The following NR1I2 variants were observed in gnomAD, a reference collection of about 807,000 sequenced individuals.
NR1I2 encodes the protein orphan nuclear receptor PAR1.
NR1I2 carries 42 observed loss-of-function variants against 43.3 expected under a neutral mutation model. That is an observed-to-expected ratio of 0.97 (90% CI 0.76 to 1.26). The LOEUF is 1.26. Ranked by LOEUF, NR1I2 falls within the 50% of genes most tolerant of loss-of-function variation. The pLI is 0.00. For missense variants in NR1I2, 559 were observed against 566.7 expected, an observed-to-expected ratio of 0.99 and a Z score of 0.14; for synonymous variants, 229 against 215.0, an observed-to-expected ratio of 1.06 and a Z score of -0.57.
At chr3:119,811,816 C>A in intron 4 of NR1I2, 90 bp downstream of exon 4, 1 of 1,236,522 alleles carries the variant, frequency 8.1e-7, no homozygotes, top group Non-Finnish European at 1.2e-6. Flanking sequence ...GAAACTTATA[C>A]AAGGTCACAG....
chr3:119,786,897 A>G (rs2054849724), intron 1 of NR1I2, among the ~76,000 whole-genome samples: 2 of 152,212 alleles, frequency 1.3e-5, no homozygotes, highest in Admixed American at 1.3e-4. Flanking sequence ...AAGAATTTAA[A>G]ACATATAGCC....
intron 4 of NR1I2, among the ~76,000 whole-genome samples, chr3:119,812,221 G>T (rs1476476508): frequency 2.0e-5 from 3 of 152,132 alleles, no homozygotes; most frequent in African/African-American, 7.2e-5. Context: ...AACTATGTCT[G>T]TGCTCTAAGT....
intron 1 of NR1I2, among the ~76,000 whole-genome samples, chr3:119,806,919 C>T (rs1198950144): frequency 6.6e-6 from 1 of 152,196 alleles, no homozygotes; most frequent in African/African-American, 2.4e-5. Context: ...GCTGTGGCCT[C>T]CATGATCCGA....
At chr3:119,793,365 A>G (rs1218725479) in intron 1 of NR1I2, among the ~76,000 whole-genome samples, 1 of 152,160 alleles carries the variant, frequency 6.6e-6, no homozygotes, top group Non-Finnish European at 1.5e-5. Flanking sequence ...AACAGCCTCA[A>G]TCCTTACCAC....
At chr3:119,800,118 A>G (rs1300260805) in intron 1 of NR1I2, among the ~76,000 whole-genome samples, 1 of 152,200 alleles carries the variant, frequency 6.6e-6, no homozygotes, top group Admixed American at 6.5e-5. Context: ...TTATAGTTAT[A>G]GCTCTTACAT....
chr3:119,804,583 T>C (rs1300252351), intron 1 of NR1I2, among the ~76,000 whole-genome samples: 2 of 151,664 alleles, frequency 1.3e-5, no homozygotes, highest in South Asian at 2.1e-4. Context: ...TAGCTGGGAT[T>C]ATAGGCACCC....
chr3:119,805,025 T>C (rs2461818), intron 1 of NR1I2, among the ~76,000 whole-genome samples: 125,800 of 152,122 alleles, frequency 0.83, 53,760 homozygotes, highest in East Asian at 1. Context: ...TTGTATTTTG[T>C]TTTTCCTAAC....
chr3:119,789,448 A>G (rs892661426), intron 1 of NR1I2, among the ~76,000 whole-genome samples: 1 of 152,194 alleles, frequency 6.6e-6, no homozygotes, highest in African/African-American at 2.4e-5. Context: ...ATGAGAACCA[A>G]GCGAAAGGGG....
At chr3:119,783,191 A>G (rs1038540465) in intron 1 of NR1I2, among the ~76,000 whole-genome samples, 1 of 152,228 alleles carries the variant, frequency 6.6e-6, no homozygotes, top group Admixed American at 6.5e-5. Context: ...ATTTTGTGGT[A>G]CACAAATACG....
At chr3:119,790,832 A>C (rs2054907313) in intron 1 of NR1I2, among the ~76,000 whole-genome samples, 2 of 152,232 alleles carry the variant, frequency 1.3e-5, no homozygotes, top group African/African-American at 4.8e-5. Flanking sequence ...CCTTGCAAAC[A>C]GCCCTACACC....
intron 1 of NR1I2, among the ~76,000 whole-genome samples, chr3:119,789,420 T>A (rs1045009110): frequency 6.6e-6 from 1 of 152,142 alleles, no homozygotes; most frequent in East Asian, 1.9e-4. Flanking sequence ...TCTTACATGG[T>A]GTCAGGCAAG....
chr3:119,789,598 G>C (rs188400220), intron 1 of NR1I2, among the ~76,000 whole-genome samples: 1 of 152,340 alleles, frequency 6.6e-6, no homozygotes, highest in East Asian at 1.9e-4. Flanking sequence ...TACAATTCCA[G>C]ATGAGATTTT....
intron 5 of NR1I2, among the ~76,000 whole-genome samples, chr3:119,813,814 A>G (rs927389652): frequency 6.6e-6 from 1 of 152,164 alleles, no homozygotes; most frequent in African/African-American, 2.4e-5. Flanking sequence ...AAATGTGGAC[A>G]TTGGGAGATC....
chr3:119,812,617 C>T, intron 4 of NR1I2, 69 bp from the exon 5 acceptor site: 1 of 1,594,320 alleles, frequency 6.3e-7, no homozygotes, highest in South Asian at 1.1e-5. Context: ...TGGCTGGGGC[C>T]TGAGTTGGGA....
In NR1I2 at chr3:119,814,973, TG is replaced by T; in HGVS notation, c.795-5del. 6.2e-7 allele frequency: 1 copy of T among 1,614,136 alleles called. No individual in the cohort carries two copies. ...GCTGTCCTCCCCTCCCCATCCTTGC[TG>T]CCAGGGACTTGCCCATCGAGGACCA... On this transcript the variant is annotated splice_polypyrimidine_tract_variant and splice_region_variant and intron_variant, in intron 5 of 8. Coordinates refer to ENST00000393716, the MANE Select transcript of NR1I2 (RefSeq NM_003889.4).
Position 119,818,033 on chromosome 3 carries a change from T to A in NR1I2, c.*821T>A. Reference sequence around the variant, plus strand: ...AGCACAAGGAATTTCCCTGTGTGGATGCTGAGCTGTGATGGCGGGCACTGG... The same window carrying A: ...AGCACAAGGAATTTCCCTGTGTGGAAGCTGAGCTGTGATGGCGGGCACTGG... On this transcript the variant is annotated 3_prime_UTR_variant, in exon 9 of 9. Transcript: ENST00000393716. 1.0e-6 allele frequency: 1 copy of A among 985,564 alleles called. No individual in the cohort carries two copies. Among genetic ancestry groups the A allele is most frequent in the Non-Finnish European group, 1.2e-6 (1 of 830,004 alleles). The allele number at this position is 985,564 out of a possible 1,614,324, so 61.1% of individuals were successfully genotyped here. A position where few individuals can be genotyped will look rare whatever the true frequency, so the allele number is the denominator to read the frequency against.
At chr3:119,810,325 C>T (rs906993832) in intron 3 of NR1I2, 131 bp downstream of exon 3, 6 of 1,383,934 alleles carry the variant, frequency 4.3e-6, no homozygotes, top group Non-Finnish European at 4.8e-6. Context: ...CACATGTGAG[C>T]TGGTGTCCGT....
chr3:119,801,973 G>C (rs916701520), intron 1 of NR1I2, among the ~76,000 whole-genome samples: 28 of 152,196 alleles, frequency 1.8e-4, no homozygotes, highest in Non-Finnish European at 4.0e-4. Flanking sequence ...TGGTGGCTTA[G>C]GGCTCTCCAA....
Position 119,817,050 on chromosome 3 carries a change from T to G in NR1I2, c.1161-18T>G. On this transcript the variant is annotated intron_variant, in intron 8 of 8. Coordinates refer to ENST00000393716, the MANE Select transcript of NR1I2 (RefSeq NM_003889.4). ...AGGGCGGGCTGCACCCACAATCTTT[T>G]CTCTGGCTGGCATGCAGGTTCTTGT... 6.2e-7 allele frequency: 1 copy of G among 1,614,088 alleles called. No individual in the cohort carries two copies.
Sources: gnomAD v4.1 joint callset for allele counts (sites outside exome capture counted in the v4.1 genomes callset) on GRCh38, gnomAD v4.1.1 for gene constraint, MANE v1.5 for transcripts, NCBI Gene and HGNC (gene_info 2026-07-23, HGNC 2026-07-21) for gene names.